The following TMEM184B variants were observed in gnomAD, a reference collection of about 807,000 sequenced individuals.
TMEM184B encodes putative MAPK-activating protein FM08.
TMEM184B carries 17 observed loss-of-function variants against 41.8 expected under a neutral mutation model. That is an observed-to-expected ratio of 0.41 (90% CI 0.28 to 0.61). The LOEUF is 0.61. Ranked by LOEUF, TMEM184B falls within the 20% of genes least tolerant of loss-of-function variation. TMEM184B has a pLI of 0.34. For missense variants in TMEM184B, 393 were observed against 557.8 expected (o/e 0.70, Z 2.98); for synonymous variants, 240 against 229.5 (o/e 1.05, Z -0.41).
In TMEM184B at chr22:38,245,953, CG is replaced by C; in HGVS notation, c.339del (p.Val114SerfsTer14). The C allele has an allele frequency of 4.3e-6, 7 of 1,611,328 alleles. No homozygotes were observed. Among genetic ancestry groups the C allele is most frequent in the Non-Finnish European group, 5.9e-6 (7 of 1,179,112 alleles). On this transcript the variant is annotated frameshift_variant, in exon 3 of 9. Transcript: ENST00000361906. LOFTEE classifies it high-confidence loss of function. Reference sequence around the variant, plus strand: ...TCCTCACCCTCATAGCAGTCGCGGACGGTGCCGAAGTACACGTAGTACTGGT... The same window carrying C: ...TCCTCACCCTCATAGCAGTCGCGGACGTGCCGAAGTACACGTAGTACTGGT... Reference protein sequence around the residue: ...TNDQYYVYFGTVRDCYEALVI... With the variant: ...TNDQYYVYFGXVRDCYEALVI...
intron 2 of TMEM184B, chr22:38,246,987 G>A (rs1039307049): frequency 1.6e-6 from 1 of 641,340 alleles, no homozygotes; most frequent in Middle Eastern, 3.7e-4. Flanking sequence ...AGCTGGCAAG[G>A]GGCTGACTAG....
intron 1 of TMEM184B, among the ~76,000 whole-genome samples, chr22:38,256,840 T>C (rs1396982803): frequency 4.6e-5 from 7 of 152,190 alleles, no homozygotes; most frequent in African/African-American, 1.2e-4. Context: ...AACTTTCTAT[T>C]TTGAAATAAT....
intron 3 of TMEM184B, among the ~76,000 whole-genome samples, chr22:38,235,797 T>A (rs1411188318): frequency 6.6e-6 from 1 of 152,014 alleles, no homozygotes; most frequent in African/African-American, 2.4e-5. Flanking sequence ...ACTCAACACA[T>A]CCCCTGGAAA....
At chr22:38,246,413 T>C (rs2092031449) in intron 2 of TMEM184B, among the ~76,000 whole-genome samples, 1 of 152,178 alleles carries the variant, frequency 6.6e-6, no homozygotes, top group Non-Finnish European at 1.5e-5. Context: ...AGGATGGAAA[T>C]GCAGTTTCCA....
intron 1 of TMEM184B, among the ~76,000 whole-genome samples, chr22:38,267,083 C>CA (rs135719): frequency 3.1e-3 from 337 of 109,880 alleles, no homozygotes; most frequent in Admixed American, 5.3e-3. Context: ...AACTCTGTCT[C>CA]AAAAAAAAAA....
intron 3 of TMEM184B, among the ~76,000 whole-genome samples, chr22:38,243,785 T>C (rs948212196): frequency 5.3e-5 from 8 of 152,296 alleles, no homozygotes; most frequent in African/African-American, 1.9e-4. Flanking sequence ...AAGTCCCTTA[T>C]TCATCCAAAA....
chr22:38,260,214 C>G (rs2092350785), intron 1 of TMEM184B, among the ~76,000 whole-genome samples: 1 of 152,000 alleles, frequency 6.6e-6, no homozygotes, highest in Admixed American at 6.6e-5. Flanking sequence ...GGCCAAATGC[C>G]TGGCTAATTT....
downstream of TMEM184B, among the ~76,000 whole-genome samples, chr22:38,218,610 G>C (rs1335284641): frequency 6.6e-6 from 1 of 152,184 alleles, no homozygotes; most frequent in African/African-American, 2.4e-5. Flanking sequence ...AGATCACGTA[G>C]GTAGGCCGTG....
intron 3 of TMEM184B, 47 bp downstream of exon 3, chr22:38,245,888 G>GGCC: frequency 3.7e-6 from 2 of 545,868 alleles, no homozygotes; most frequent in Non-Finnish European, 6.7e-6. Flanking sequence ...GGGGCTCCCA[G>GGCC]CCCCCCAGCC....
At position 38,239,024 on chromosome 22, in the gene TMEM184B, G is replaced by A. The variant is rs185666056; in HGVS notation, c.358+6911C>T. Among the ~76,000 whole-genome samples, 31 of 152,272 alleles carry A rather than the reference G, an allele frequency of 2.0e-4. No individual in the cohort carries two copies. Among genetic ancestry groups the A allele is most frequent in the South Asian group, 1.0e-3 (5 of 4,830 alleles). The stretch of plus-strand genomic sequence containing the variant: ...ACAGCAACTGCATAAAGCGACATAC[G>A]GACACCGCCTCCTGCCTCTGAACCC... On this transcript the variant is annotated intron_variant, in intron 3 of 8. Transcript: ENST00000361906. The surrounding 1 kb of genome is among the most constrained non-coding windows in gnomAD (Gnocchi z 4.6).
intron 1 of TMEM184B, among the ~76,000 whole-genome samples, chr22:38,267,266 T>A (rs539360925): frequency 6.6e-6 from 1 of 151,980 alleles, no homozygotes; most frequent in Non-Finnish European, 1.5e-5. Context: ...TCTGGGTGGA[T>A]CTTCCCCTGT....
intron 1 of TMEM184B, among the ~76,000 whole-genome samples, chr22:38,250,262 G>A (rs991893156): frequency 3.3e-5 from 5 of 152,326 alleles, no homozygotes; most frequent in South Asian, 4.1e-4. Flanking sequence ...CCGGCTCCTC[G>A]CCAACGGCCG....
Position 38,248,030 on chromosome 22 carries a change from G to A in TMEM184B, c.-58-11C>T. ...AAGTGACAAGCTAGCCTAGAGAGAA[G>A]AAATTGCAATGTGAGTCTCCTCCCA... On this transcript the variant is annotated splice_polypyrimidine_tract_variant and intron_variant, in intron 1 of 8. Transcript: ENST00000361906. 1 of 1,483,662 alleles carries A rather than the reference G, an allele frequency of 6.7e-7. No individual in the cohort carries two copies. The highest frequency in any genetic ancestry group is 8.9e-7 in the Non-Finnish European group (1 of 1,119,820). The allele number at this position is 1,483,662 out of a possible 1,614,324, so 91.9% of individuals were successfully genotyped here.
At chr22:38,271,311 A>G (rs1309652748) in intron 1 of TMEM184B, among the ~76,000 whole-genome samples, 4 of 152,216 alleles carry the variant, frequency 2.6e-5, no homozygotes, top group Non-Finnish European at 5.9e-5. Flanking sequence ...TTGCAAGACA[A>G]GATCTGGCAG....
intron 3 of TMEM184B, among the ~76,000 whole-genome samples, chr22:38,234,491 G>C (rs1043833980): frequency 2.6e-5 from 4 of 152,188 alleles, no homozygotes; most frequent in African/African-American, 7.2e-5. Flanking sequence ...CCAAATTCTT[G>C]ACCTATAATA....
chr22:38,242,364 G>C (rs2091930725), intron 3 of TMEM184B, among the ~76,000 whole-genome samples: 1 of 151,962 alleles, frequency 6.6e-6, no homozygotes. Context: ...TGTAGTCCCA[G>C]CTACTCGAGA....
intron 1 of TMEM184B, among the ~76,000 whole-genome samples, chr22:38,271,692 C>G (rs1602519662): frequency 6.6e-6 from 1 of 152,192 alleles, no homozygotes; most frequent in Non-Finnish European, 1.5e-5. Flanking sequence ...TGCTTGAGAG[C>G]TCCTTGATGG....
At chr22:38,258,959 G>T (rs1264671037) in intron 1 of TMEM184B, among the ~76,000 whole-genome samples, 1 of 151,382 alleles carries the variant, frequency 6.6e-6, no homozygotes, top group East Asian at 2.0e-4. Context: ...CAACTGTAAT[G>T]GTATCCCTCC....
In TMEM184B at chr22:38,221,311, C is replaced by T. The variant is rs972002779; in HGVS notation, c.*158G>A. ...GCCCATGGGCGAGCCTGGCTGTCCC[C>T]CGTTCCTCTGGAAGTGACATGTGAG... On this transcript the variant is annotated 3_prime_UTR_variant, in exon 9 of 9. Transcript: ENST00000361906. 1 of 1,436,108 alleles carries T rather than the reference C, an allele frequency of 7.0e-7. No individual in the cohort carries two copies. The highest frequency in any genetic ancestry group is 9.1e-7 in the Non-Finnish European group (1 of 1,099,876). 89.0% of individuals were successfully genotyped at this position (1,436,108 alleles called of 1,614,324 possible). A position where few individuals can be genotyped will look rare whatever the true frequency, so the allele number is the denominator to read the frequency against.
Sources: gnomAD v4.1 joint callset for allele counts (sites outside exome capture counted in the v4.1 genomes callset) on GRCh38, gnomAD v4.1.1 for gene constraint, Gnocchi (gnomAD v3.1) non-coding constraint, MANE v1.5 for transcripts, NCBI Gene and HGNC (gene_info 2026-07-23, HGNC 2026-07-21) for gene names.